Variants in DEPDC1B observed in about 807,000 individuals in gnomAD.
The protein encoded by DEPDC1B is DEP domain containing 1B, also known as DEP domain-containing protein 1B.
In DEPDC1B, 51 loss-of-function variants were observed where a neutral mutation model predicts 66.5. That is an observed-to-expected ratio of 0.77 (90% confidence interval 0.61 to 0.97). The LOEUF (loss-of-function observed/expected upper bound fraction) is 0.97, where lower values mean the gene tolerates loss of function less well. Ranked by LOEUF, DEPDC1B falls within the 50% of genes least tolerant of loss-of-function variation. The probability of loss-of-function intolerance (pLI) is 0.00; values close to 1 mark genes in which losing one functional copy is unlikely to be tolerated. For synonymous variants in DEPDC1B, 226 were observed against 223.6 expected, an observed-to-expected ratio of 1.01 and a Z score of -0.10; for missense variants, 552 against 637.1, an observed-to-expected ratio of 0.87 and a Z score of 1.44.
At chr5:60,603,250 A>C (rs1752237579) in intron 9 of DEPDC1B, 141 bp downstream of exon 9, 3 of 656,982 alleles carry the variant, frequency 4.6e-6, no homozygotes, top group Non-Finnish European at 6.8e-6. Context: ...GCAGGGGATT[A>C]CTATGTGCCA....
At chr5:60,617,566 T>C (rs931720071) in intron 7 of DEPDC1B, among the ~76,000 whole-genome samples, 1 of 152,102 alleles carries the variant, frequency 6.6e-6, no homozygotes, top group African/African-American at 2.4e-5. Flanking sequence ...GATAAAGGGA[T>C]CAATTCAACA....
At chr5:60,626,281 T>A (rs970731761) in intron 7 of DEPDC1B, among the ~76,000 whole-genome samples, 3 of 152,198 alleles carry the variant, frequency 2.0e-5, no homozygotes, top group African/African-American at 7.2e-5. Flanking sequence ...TGGCTGAATA[T>A]TTCATTGTAC....
chr5:60,610,236 C>T (rs557404292), intron 7 of DEPDC1B, among the ~76,000 whole-genome samples: 2 of 152,300 alleles, frequency 1.3e-5, no homozygotes, highest in East Asian at 1.9e-4. Flanking sequence ...CAGCTCTCAC[C>T]GATTGTGGAC....
chr5:60,643,203 G>GA (rs1313039766), intron 5 of DEPDC1B, among the ~76,000 whole-genome samples: 1 of 152,034 alleles, frequency 6.6e-6, no homozygotes, highest in Non-Finnish European at 1.5e-5. Context: ...AAAAAGAAAA[G>GA]AAAAAATATT....
Position 60,647,507 on chromosome 5 carries a change from G to A in DEPDC1B, c.341C>T (p.Pro114Leu). Residue 114 changes from proline (P) to leucine (L), a missense_variant, in exon 3 of 11, where the codon CCA (proline) becomes CTA (leucine). By Grantham distance (98) the Pro-to-Leu change is moderately conservative (BLOSUM62 -3). Coordinates refer to ENST00000265036, the MANE Select transcript of DEPDC1B (RefSeq NM_018369.3). ...YRFPPSSPLK[P>L]YPKKPPNQKD... Reference sequence around the variant, plus strand: ...TTGGTTTGGGGGCTTCTTTGGATATGGTTTCAGGGGTGAAGAAGGAGGAAA... The same window carrying A: ...TTGGTTTGGGGGCTTCTTTGGATATAGTTTCAGGGGTGAAGAAGGAGGAAA... 1.2e-6 allele frequency: 2 copies of A among 1,611,966 alleles called. No homozygotes were observed. Among genetic ancestry groups the A allele is most frequent in the South Asian group, 2.2e-5 (2 of 90,672 alleles).
At chr5:60,686,845 G>T in intron 2 of DEPDC1B, 117 bp downstream of exon 2, 1 of 1,291,898 alleles carries the variant, frequency 7.7e-7, no homozygotes, top group Non-Finnish European at 1.1e-6. Flanking sequence ...ATCACAACTA[G>T]ACCCACTGTT....
At chr5:60,627,322 T>C (rs1450937191) in intron 7 of DEPDC1B, among the ~76,000 whole-genome samples, 6 of 152,128 alleles carry the variant, frequency 3.9e-5, no homozygotes, top group African/African-American at 1.4e-4. Context: ...AAAAGACATC[T>C]TCATCAAATA....
intron 6 of DEPDC1B, among the ~76,000 whole-genome samples, chr5:60,641,474 G>A (rs561109264): frequency 5.3e-5 from 8 of 151,086 alleles, no homozygotes; most frequent in African/African-American, 1.7e-4. Flanking sequence ...ACAGGCGCCC[G>A]CCACCAAGCC....
intron 7 of DEPDC1B, among the ~76,000 whole-genome samples, chr5:60,620,129 A>T (rs1236768381): frequency 6.6e-6 from 1 of 152,222 alleles, no homozygotes; most frequent in Non-Finnish European, 1.5e-5. Context: ...CACCTTATAC[A>T]AAAATTAATT....
intron 7 of DEPDC1B, among the ~76,000 whole-genome samples, chr5:60,617,812 CA>C (rs557984250): frequency 6.6e-6 from 1 of 152,308 alleles, no homozygotes; most frequent in East Asian, 1.9e-4. Context: ...CAGAACTCTC[CA>C]CCCCAAAGCA....
intron 7 of DEPDC1B, among the ~76,000 whole-genome samples, chr5:60,615,746 A>G (rs1346800112): frequency 3.3e-5 from 5 of 152,220 alleles, no homozygotes. Context: ...AGGGAGCAAT[A>G]ACCTCTGCAG....
chr5:60,662,312 C>T (rs1004071304), intron 2 of DEPDC1B, among the ~76,000 whole-genome samples: 4 of 151,900 alleles, frequency 2.6e-5, no homozygotes, highest in Admixed American at 6.6e-5. Context: ...GGCGTGAACC[C>T]GGGAGGCAGA....
chr5:60,691,111 T>C (rs559568824), intron 1 of DEPDC1B, among the ~76,000 whole-genome samples: 1 of 151,392 alleles, frequency 6.6e-6, no homozygotes, highest in East Asian at 1.9e-4. Flanking sequence ...TGGAGTGCAA[T>C]GGCATGATCT....
At chr5:60,696,800 C>G (rs555121660) in intron 1 of DEPDC1B, among the ~76,000 whole-genome samples, 1 of 152,200 alleles carries the variant, frequency 6.6e-6, no homozygotes, top group South Asian at 2.1e-4. Context: ...AACTATAAGA[C>G]ATACACCTAC....
chr5:60,607,213 G>T (rs1752328193), intron 7 of DEPDC1B, among the ~76,000 whole-genome samples: 1 of 152,206 alleles, frequency 6.6e-6, no homozygotes, highest in Non-Finnish European at 1.5e-5. Flanking sequence ...AAGATCAACA[G>T]AGATGAGGTC....
intron 2 of DEPDC1B, among the ~76,000 whole-genome samples, chr5:60,679,457 A>G (rs35981148): frequency 0.016 from 2,481 of 152,326 alleles, 33 homozygotes; most frequent in Middle Eastern, 0.048. Context: ...GAAAAGCAAG[A>G]AAGTATGAGA....
intron 1 of DEPDC1B, among the ~76,000 whole-genome samples, chr5:60,699,447 A>AAAAAAC (rs1554056852): frequency 3.5e-5 from 2 of 56,680 alleles, no homozygotes; most frequent in Non-Finnish European, 8.0e-5. Flanking sequence ...CTCCCAGAAA[A>AAAAAAC]AAAAAAAAAA....
intron 6 of DEPDC1B, among the ~76,000 whole-genome samples, chr5:60,639,660 A>G (rs892934797): frequency 3.3e-5 from 5 of 152,356 alleles, no homozygotes; most frequent in African/African-American, 1.2e-4. Flanking sequence ...GGAACAAGAA[A>G]TGTTCTCTAC....
At chr5:60,615,991 T>C (rs1752544122) in intron 7 of DEPDC1B, among the ~76,000 whole-genome samples, 1 of 152,166 alleles carries the variant, frequency 6.6e-6, no homozygotes. Flanking sequence ...CACCAATATC[T>C]GCTGTTCTGC....
Sources: gnomAD v4.1 joint callset for allele counts (sites outside exome capture counted in the v4.1 genomes callset) on GRCh38, gnomAD v4.1.1 for gene constraint, MANE v1.5 for transcripts, NCBI Gene and HGNC (gene_info 2026-07-23, HGNC 2026-07-21) for gene names.